CAMK1D: variants seen among roughly 807,000 people sequenced by gnomAD.
CAMK1D encodes calcium/calmodulin dependent protein kinase ID.
Under a neutral mutation model 47.7 loss-of-function variants are expected in CAMK1D, and 9 were observed. That is an observed-to-expected ratio of 0.19 (90% CI 0.11 to 0.33). The LOEUF is 0.33. CAMK1D is among the 10% of genes least tolerant of loss of function. The probability of loss-of-function intolerance (pLI) is 1.00; values close to 1 mark genes in which losing one functional copy is unlikely to be tolerated. For missense variants in CAMK1D, 291 were observed against 488.7 expected (o/e 0.60, Z 3.81); for synonymous variants, 184 against 184.9 (o/e 0.99, Z 0.04).
At chr10:12,485,960 T>C (rs1031323667) in intron 1 of CAMK1D, among the ~76,000 whole-genome samples, 1 of 152,118 alleles carries the variant, frequency 6.6e-6, no homozygotes, top group Non-Finnish European at 1.5e-5. Context: ...ACGGCCTGAT[T>C]TGAAGGCAGT....
rs3995677 is a variant in CAMK1D at position 12,830,926 on chromosome 10, A to AACACACAC, written c.*2071_*2078dup. 0.14 allele frequency: 14,363 copies of AACACACAC among 103,556 alleles called. 925 individuals carry two copies. The highest frequency in any genetic ancestry group is 0.27 in the Middle Eastern group (52 of 194). The allele number at this position is 103,556 out of a possible 1,614,324, so 6.4% of individuals were successfully genotyped here. On this transcript the variant is annotated 3_prime_UTR_variant, in exon 11 of 11. Coordinates refer to ENST00000619168, the MANE Select transcript of CAMK1D (RefSeq NM_153498.4). Reference sequence around the variant, plus strand: ...GTGATGCCCCCCCACCCTCTCAATAAACACACACACACACACACACACACA... The same window carrying AACACACAC: ...GTGATGCCCCCCCACCCTCTCAATAAACACACACACACACACACACACACACACACACA...
rs1185406408 is a variant in CAMK1D, at chr10:12,828,660, G to C, written c.1040-109G>C. 8.7e-5 allele frequency: 55 copies of C among 631,566 alleles called. No individual in the cohort carries two copies. In the African/African-American group the frequency reaches 9.3e-4, roughly 11 times the overall value. 39.1% of individuals were successfully genotyped at this position (631,566 alleles called of 1,614,324 possible). A position where few individuals can be genotyped will look rare whatever the true frequency, so the allele number is the denominator to read the frequency against. On this transcript the variant is annotated intron_variant, in intron 10 of 10. Coordinates refer to ENST00000619168, the MANE Select transcript of CAMK1D (RefSeq NM_153498.4). Reference sequence around the variant, plus strand: ...CATCTCAAGAAAAAAAAAAAATTGGGCCCCCCCGCCCCCCACCATAAACCC... The same window carrying C: ...CATCTCAAGAAAAAAAAAAAATTGGCCCCCCCCGCCCCCCACCATAAACCC...
At chr10:12,784,834 G>A (rs573398425) in intron 5 of CAMK1D, among the ~76,000 whole-genome samples, 1 of 152,168 alleles carries the variant, frequency 6.6e-6, no homozygotes, top group Non-Finnish European at 1.5e-5. Context: ...ATGGTGTGTG[G>A]CGACTAGGTT....
intron 1 of CAMK1D, among the ~76,000 whole-genome samples, chr10:12,382,220 T>C (rs923255422): frequency 1.3e-5 from 2 of 152,176 alleles, no homozygotes; most frequent in African/African-American, 4.8e-5. Context: ...TCTGAGCTAA[T>C]ATTTGGAATA....
At chr10:12,525,964 A>T (rs192185287) in intron 1 of CAMK1D, among the ~76,000 whole-genome samples, 6 of 152,196 alleles carry the variant, frequency 3.9e-5, no homozygotes, top group Admixed American at 2.0e-4. Context: ...ATGTTGGCCA[A>T]GCTGGTCTCA....
chr10:12,503,152 A>G (rs949516165), intron 1 of CAMK1D, among the ~76,000 whole-genome samples: 4 of 152,174 alleles, frequency 2.6e-5, no homozygotes, highest in Non-Finnish European at 5.9e-5. Context: ...AGGTGAATAT[A>G]TGCATGTGCA....
intron 6 of CAMK1D, among the ~76,000 whole-genome samples, chr10:12,795,391 C>T (rs1008977440): frequency 1.3e-5 from 2 of 152,228 alleles, no homozygotes; most frequent in African/African-American, 2.4e-5. Context: ...GTGGGTCCAC[C>T]GTGCCTGGTC....
At chr10:12,702,372 CTTT>C (rs933333208) in intron 3 of CAMK1D, among the ~76,000 whole-genome samples, 6 of 152,178 alleles carry the variant, frequency 3.9e-5, no homozygotes. Flanking sequence ...GCTTAGAACC[CTTT>C]TAAGTTTCAG....
intron 3 of CAMK1D, among the ~76,000 whole-genome samples, chr10:12,748,418 C>T (rs1835779570): frequency 6.6e-6 from 1 of 152,104 alleles, no homozygotes; most frequent in Non-Finnish European, 1.5e-5. Context: ...CTGGAGGGGC[C>T]CACGGGCAGG....
chr10:12,549,295 A>G (rs542583060), intron 1 of CAMK1D, among the ~76,000 whole-genome samples: 1 of 152,328 alleles, frequency 6.6e-6, no homozygotes, highest in East Asian at 1.9e-4. Context: ...CACCTCCTGT[A>G]AGTAGAATCA....
intron 1 of CAMK1D, among the ~76,000 whole-genome samples, chr10:12,497,425 C>T (rs954719410): frequency 4.7e-5 from 7 of 147,438 alleles, no homozygotes; most frequent in South Asian, 2.1e-4. Context: ...TGCAGTGAAC[C>T]GAGATCACGC....
At chr10:12,795,924 C>T (rs184618263) in intron 6 of CAMK1D, among the ~76,000 whole-genome samples, 24 of 152,258 alleles carry the variant, frequency 1.6e-4, no homozygotes, top group African/African-American at 5.1e-4. Flanking sequence ...GCGTGGGTTG[C>T]GCTTTGTGAT....
intron 1 of CAMK1D, among the ~76,000 whole-genome samples, chr10:12,541,433 A>G (rs1014649701): frequency 5.3e-5 from 8 of 152,124 alleles, no homozygotes; most frequent in Non-Finnish European, 1.2e-4. Context: ...ACGTGATCTC[A>G]GCTCACTGCA....
chr10:12,411,370 G>T (rs1156337380), intron 1 of CAMK1D, among the ~76,000 whole-genome samples: 1 of 152,192 alleles, frequency 6.6e-6, no homozygotes, highest in East Asian at 1.9e-4. Flanking sequence ...TCCAGCAGAA[G>T]CAGCTCCCTG....
chr10:12,504,442 A>G (rs1228409124), intron 1 of CAMK1D, among the ~76,000 whole-genome samples: 2 of 152,128 alleles, frequency 1.3e-5, no homozygotes, highest in African/African-American at 4.8e-5. Context: ...TGAAGAAGAG[A>G]AAGTGAAGTC....
chr10:12,704,776 A>G (rs142038714), intron 3 of CAMK1D, among the ~76,000 whole-genome samples: 4 of 152,308 alleles, frequency 2.6e-5, no homozygotes, highest in African/African-American at 9.6e-5. Context: ...GAGAACAACT[A>G]TTTACTGCAT....
chr10:12,809,179 A>C (rs934133831), intron 6 of CAMK1D, among the ~76,000 whole-genome samples: 1 of 152,132 alleles, frequency 6.6e-6, no homozygotes, highest in Non-Finnish European at 1.5e-5. Flanking sequence ...TAGTCATCCT[A>C]ACGGGTGGGA....
At position 12,353,941 on chromosome 10, in the gene CAMK1D, C is replaced by A. The variant is rs543712404; in HGVS notation, c.92+4031C>A. Among the ~76,000 whole-genome samples, 95 of 152,208 alleles carry A rather than the reference C, an allele frequency of 6.2e-4. 1 individual carries two copies. Among genetic ancestry groups the A allele is most frequent in the African/African-American group, 1.4e-3 (57 of 41,524 alleles). ...ACTACTGAAGCAAAAAATAAAAAAA[C>A]CCCTAAAATACTATTCGGAGAAGTA... On this transcript the variant is annotated intron_variant, in intron 1 of 10. Coordinates refer to ENST00000619168, the MANE Select transcript of CAMK1D (RefSeq NM_153498.4).
rs75839037 is a variant in CAMK1D at position 12,408,487 on chromosome 10, T to C, written c.92+58577T>C. On this transcript the variant is annotated intron_variant, in intron 1 of 10. Transcript: ENST00000619168. The stretch of plus-strand genomic sequence containing the variant: ...CGCACCTGGCCTGACTCTTTCATTT[T>C]CAATGTTGTGTTTGAGACACCACAA... 9.4e-3 allele frequency among the ~76,000 whole-genome samples: 1,436 copies of C among 152,306 alleles called. 23 individuals carry two copies. The highest frequency in any genetic ancestry group is 0.032 in the African/African-American group (1,347 of 41,562).
Sources: gnomAD v4.1 joint callset for allele counts (sites outside exome capture counted in the v4.1 genomes callset) on GRCh38, gnomAD v4.1.1 for gene constraint, MANE v1.5 for transcripts, NCBI Gene and HGNC (gene_info 2026-07-23, HGNC 2026-07-21) for gene names.